FAM222A: variants seen among roughly 807,000 people sequenced by gnomAD.
FAM222A encodes protein FAM222A.
A neutral mutation model predicts 25.8 loss-of-function variants in FAM222A; 7 were observed. The observed-to-expected ratio is 0.27, with a 90% confidence interval of 0.15 to 0.51. FAM222A has a LOEUF of 0.51. Ranked by LOEUF, FAM222A falls within the 20% of genes least tolerant of loss-of-function variation. The pLI is 0.97. For missense variants in FAM222A, 573 were observed against 640.5 expected (o/e 0.89, Z 1.14); for synonymous variants, 294 against 298.8 (o/e 0.98, Z 0.17).
Position 109,749,334 on chromosome 12 carries a change from G to A in FAM222A, c.82+5106G>A, listed in dbSNP as rs1001336401. Among the ~76,000 whole-genome samples the A allele has an allele frequency of 3.3e-5, 5 of 152,238 alleles. No homozygotes were observed. The South Asian group carries it at 6.2e-4, about 19-fold the overall frequency. ...TTAGTCAGGCTGGTCTCAAACTCCC[G>A]GCCTCAGGTGATTTGCCCACCTCAG... On this transcript the variant is annotated intron_variant, in intron 2 of 2. Coordinates refer to ENST00000538780, the MANE Select transcript of FAM222A (RefSeq NM_032829.3).
At chr12:109,734,208 CAAAAAAAAA>C (rs11403160) in intron 1 of FAM222A, 1 of 72,468 alleles carries the variant, frequency 1.4e-5, no homozygotes, top group South Asian at 5.5e-4. Context: ...ACCCTGTCTC[CAAAAAAAAA>C]AAAAAAAAAG....
intron 2 of FAM222A, among the ~76,000 whole-genome samples, chr12:109,766,191 A>G (rs558154652): frequency 1.3e-5 from 2 of 152,124 alleles, no homozygotes; most frequent in African/African-American, 4.8e-5. Context: ...GGCAAACTAC[A>G]TGCCCAGGGC....
At chr12:109,726,642 G>T (rs561621608) in intron 1 of FAM222A, among the ~76,000 whole-genome samples, 1 of 152,354 alleles carries the variant, frequency 6.6e-6, no homozygotes, top group East Asian at 1.9e-4. Flanking sequence ...CAGCAGGGGG[G>T]CTCAGGCCTG....
At chr12:109,765,538 T>C (rs565850069) in intron 2 of FAM222A, among the ~76,000 whole-genome samples, 1 of 152,362 alleles carries the variant, frequency 6.6e-6, no homozygotes, top group South Asian at 2.1e-4. Context: ...GCCTGAAATC[T>C]GTTTCTCCCT....
At chr12:109,720,311 T>A in intron 1 of FAM222A, 1 of 506,368 alleles carries the variant, frequency 2.0e-6, no homozygotes, top group Non-Finnish European at 2.6e-6. Context: ...ACGCAGAACT[T>A]AATGACCCAG....
chr12:109,730,939 G>A (rs1887936620), intron 1 of FAM222A, among the ~76,000 whole-genome samples: 1 of 152,174 alleles, frequency 6.6e-6, no homozygotes, highest in South Asian at 2.1e-4. Context: ...AGAGCTGGGC[G>A]GGCAGTTCAC....
chr12:109,755,287 C>CTTTTTTTTTTTTTTTTTTTTTTTTT (rs540689300), intron 2 of FAM222A, among the ~76,000 whole-genome samples: 1 of 49,426 alleles, frequency 2.0e-5, no homozygotes, highest in Non-Finnish European at 3.4e-5. Context: ...TGTAATTCTT[C>CTTTTTTTTTTTTTTTTTTTTTTTTT]TTTTTTTTTT....
At chr12:109,746,366 G>A (rs184556552) in intron 2 of FAM222A, among the ~76,000 whole-genome samples, 1 of 152,208 alleles carries the variant, frequency 6.6e-6, no homozygotes, top group African/African-American at 2.4e-5. Flanking sequence ...GCACATGCCT[G>A]TAATCCCAGC....
intron 1 of FAM222A, among the ~76,000 whole-genome samples, chr12:109,743,340 A>G (rs11613412): frequency 0.11 from 17,505 of 152,248 alleles, 1,439 homozygotes; most frequent in Non-Finnish European, 0.17. Context: ...TGTCTGTGTG[A>G]ATGTCAGGCT....
At chr12:109,753,700 G>GCCCCCCCCCCCCCCC (rs1888628188) in intron 2 of FAM222A, among the ~76,000 whole-genome samples, 1 of 149,700 alleles carries the variant, frequency 6.7e-6, no homozygotes, top group Admixed American at 6.7e-5. Flanking sequence ...CCAATTCCCA[G>GCCCCCCCCCCCCCCC]CCTCACCCCA....
intron 2 of FAM222A, 76 bp downstream of exon 2, chr12:109,744,304 C>A: frequency 6.6e-7 from 1 of 1,518,388 alleles, no homozygotes; most frequent in South Asian, 1.2e-5. Flanking sequence ...AGGATGTCCA[C>A]CTACCATGGC....
At chr12:109,726,713 G>A (rs1887849726) in intron 1 of FAM222A, among the ~76,000 whole-genome samples, 1 of 152,160 alleles carries the variant, frequency 6.6e-6, no homozygotes, top group African/African-American at 2.4e-5. Context: ...GAATGGAGTG[G>A]TCTAGAAGCA....
chr12:109,724,860 A>G (rs1164645510), intron 1 of FAM222A, among the ~76,000 whole-genome samples: 2 of 152,206 alleles, frequency 1.3e-5, no homozygotes, highest in Non-Finnish European at 2.9e-5. Context: ...GAGTGAAGGA[A>G]TGCATGAGGG....
chr12:109,717,914 C>A (rs933744951), intron 1 of FAM222A, among the ~76,000 whole-genome samples: 1 of 152,184 alleles, frequency 6.6e-6, no homozygotes, highest in Non-Finnish European at 1.5e-5. Context: ...AAACTTGAGG[C>A]GCCCTGGTGA....
intron 2 of FAM222A, among the ~76,000 whole-genome samples, chr12:109,760,666 G>A (rs796193350): frequency 6.6e-6 from 1 of 152,160 alleles, no homozygotes; most frequent in African/African-American, 2.4e-5. Flanking sequence ...TGTGACCCCC[G>A]CTTGACACTC....
chr12:109,742,410 A>G (rs1888268378), intron 1 of FAM222A, among the ~76,000 whole-genome samples: 1 of 152,248 alleles, frequency 6.6e-6, no homozygotes, highest in African/African-American at 2.4e-5. Context: ...CATCCCTGCA[A>G]TAAGCCCCAC....
chr12:109,760,139 A>C (rs916506481), intron 2 of FAM222A, among the ~76,000 whole-genome samples: 4 of 152,034 alleles, frequency 2.6e-5, no homozygotes, highest in African/African-American at 9.7e-5. Flanking sequence ...GCATGGTGGA[A>C]CGCTGGGTGG....
Position 109,714,908 on chromosome 12 carries a change from C to G in FAM222A, c.-47+11C>G, listed in dbSNP as rs1592773843. On this transcript the variant is annotated intron_variant, in intron 1 of 2. Transcript: ENST00000538780. The surrounding 1 kb of genome is among the most constrained non-coding windows in gnomAD (Gnocchi z 4.2). ...GGCCTGGCTGATCCGGTGAGTTGTG[C>G]GGGGCGGGGTTCTGCGCTGGAGCTG... 1 of 153,048 alleles carries G rather than the reference C, an allele frequency of 6.5e-6. No homozygotes were observed. The highest frequency in any genetic ancestry group is 1.5e-5 in the Non-Finnish European group (1 of 68,844). 9.5% of individuals were successfully genotyped at this position (153,048 alleles called of 1,614,324 possible).
intron 1 of FAM222A, among the ~76,000 whole-genome samples, chr12:109,717,795 C>T (rs73407735): frequency 0.097 from 14,745 of 152,234 alleles, 1,170 homozygotes; most frequent in African/African-American, 0.22. Flanking sequence ...ACTAATCCTT[C>T]TCACTTATCT....
Sources: gnomAD v4.1 joint callset for allele counts (sites outside exome capture counted in the v4.1 genomes callset) on GRCh38, gnomAD v4.1.1 for gene constraint, Gnocchi (gnomAD v3.1) non-coding constraint, MANE v1.5 for transcripts, NCBI Gene and HGNC (gene_info 2026-07-23, HGNC 2026-07-21) for gene names.